The following DEFB119 variants were observed in gnomAD, a reference collection of about 807,000 sequenced individuals.
The protein encoded by DEFB119 is defensin beta 119.
DEFB119 carries 3 observed loss-of-function variants against 2.5 expected under a neutral mutation model. The ratio of observed to expected loss-of-function variants is 1.19; its 90% CI spans 0.54 to 3.07. The LOEUF is 3.07. DEFB119 is among the 30% of genes most tolerant of loss of function. The probability of loss-of-function intolerance (pLI) is 0.03; values close to 1 mark genes in which losing one functional copy is unlikely to be tolerated. For synonymous variants in DEFB119, 29 were observed against 33.7 expected (o/e 0.86, Z 0.48); for missense variants, 113 against 101.1 (o/e 1.12, Z -0.50).
At chr20:31,388,839 T>C in intron 1 of DEFB119, 1 of 1,075,022 alleles carries the variant, frequency 9.3e-7, no homozygotes, top group Non-Finnish European at 1.3e-6. Context: ...TTCAAGACTG[T>C]AATGATCACA....
intron 1 of DEFB119, chr20:31,388,908 C>T (rs947271954): frequency 5.6e-5 from 84 of 1,502,506 alleles, no homozygotes; most frequent in Middle Eastern, 4.7e-4. Context: ...CTCCCCCTGC[C>T]ATCCCCCCAC....
chr20:31,380,016 G>T (rs1362143470), intron 1 of DEFB119, among the ~76,000 whole-genome samples: 1 of 152,110 alleles, frequency 6.6e-6, no homozygotes, highest in Non-Finnish European at 1.5e-5. Context: ...CAAGTTCTTT[G>T]TCAGATATAT....
intron 1 of DEFB119, among the ~76,000 whole-genome samples, chr20:31,386,254 G>A (rs778944394): frequency 2.0e-5 from 3 of 152,132 alleles, no homozygotes; most frequent in Admixed American, 2.0e-4. Context: ...TGGGGGCAGG[G>A]AGACCAGTGA....
intron 1 of DEFB119, chr20:31,378,257 T>G: frequency 1.9e-6 from 3 of 1,583,294 alleles, no homozygotes; most frequent in Non-Finnish European, 2.6e-6. Context: ...CACCACTCCC[T>G]GAGATGTGAC....
At chr20:31,379,236 T>C (rs1449188604) in intron 1 of DEFB119, among the ~76,000 whole-genome samples, 1 of 152,104 alleles carries the variant, frequency 6.6e-6, no homozygotes, top group East Asian at 1.9e-4. Flanking sequence ...TTTTTTTAAT[T>C]TGTCGGAAGG....
chr20:31,381,017 T>C (rs1217552614), intron 1 of DEFB119, among the ~76,000 whole-genome samples: 3 of 152,236 alleles, frequency 2.0e-5, no homozygotes, highest in African/African-American at 7.2e-5. Context: ...TGAGGAGAAT[T>C]AACATCTGTT....
At chr20:31,382,943 G>A (rs1016874637) in intron 1 of DEFB119, among the ~76,000 whole-genome samples, 4 of 152,140 alleles carry the variant, frequency 2.6e-5, no homozygotes, top group African/African-American at 4.8e-5. Flanking sequence ...AGTTTGTGAC[G>A]CCAATCAAAA....
intron 1 of DEFB119, among the ~76,000 whole-genome samples, chr20:31,380,502 G>C (rs1986468422): frequency 1.3e-5 from 2 of 152,096 alleles, no homozygotes; most frequent in African/African-American, 4.8e-5. Context: ...CTGGGCTCAA[G>C]TGATCCTCCC....
chr20:31,390,525 G>T lies in DEFB119; in HGVS notation c.-42C>A, dbSNP rs980357638. The T allele has an allele frequency of 6.3e-7, 1 of 1,595,220 alleles. No homozygotes were observed. On this transcript the variant is annotated 5_prime_UTR_variant, in exon 1 of 2. Transcript: ENST00000376321. Reference sequence around the variant, plus strand: ...AGGAGGAGGTGGCTGAGCTGCAGGGGAAGGAAATAGGGTTCCCTGCAGCAC... The same window carrying T: ...AGGAGGAGGTGGCTGAGCTGCAGGGTAAGGAAATAGGGTTCCCTGCAGCAC...
chr20:31,379,849 T>C (rs951604503), intron 1 of DEFB119, among the ~76,000 whole-genome samples: 3 of 152,096 alleles, frequency 2.0e-5, no homozygotes, highest in Non-Finnish European at 4.4e-5. Flanking sequence ...GTATTTTTAG[T>C]AGAGACGGGG....
intron 1 of DEFB119, among the ~76,000 whole-genome samples, chr20:31,390,039 T>C (rs1986869989): frequency 6.6e-6 from 1 of 151,836 alleles, no homozygotes; most frequent in Admixed American, 6.6e-5. Flanking sequence ...GCTCCTCACC[T>C]CCAGCTCATC....
intron 1 of DEFB119, among the ~76,000 whole-genome samples, chr20:31,387,771 C>T (rs1042640242): frequency 6.6e-6 from 1 of 152,160 alleles, no homozygotes; most frequent in Non-Finnish European, 1.5e-5. Flanking sequence ...CAGGCAATCC[C>T]AGGACCCAGC....
chr20:31,390,031 T>C (rs1270211591), intron 1 of DEFB119, among the ~76,000 whole-genome samples: 1 of 151,582 alleles, frequency 6.6e-6, no homozygotes, highest in Non-Finnish European at 1.5e-5. Flanking sequence ...GAAGCCCAGC[T>C]CCTCACCTCC....
Position 31,386,691 on chromosome 20 carries a change from G to GT in DEFB119, c.61+3731dup, listed in dbSNP as rs1213944912. ...GGGAAGGGAGAATAGGAAGAGGCTG[G>GT]TTAAACGGATACAAAATCACAGCTA... On this transcript the variant is annotated intron_variant, in intron 1 of 1. Transcript: ENST00000376321. Among the ~76,000 whole-genome samples, 3 of 152,196 alleles carry GT rather than the reference G, an allele frequency of 2.0e-5. No individual in the cohort carries two copies. The East Asian group carries it at 5.8e-4, about 29-fold the overall frequency.
At chr20:31,389,538 C>G (rs1986847239) in intron 1 of DEFB119, among the ~76,000 whole-genome samples, 1 of 152,120 alleles carries the variant, frequency 6.6e-6, no homozygotes, top group Non-Finnish European at 1.5e-5. Context: ...TAATGTCCCA[C>G]CTAGCAGAGC....
chr20:31,382,578 C>A (rs75997428), intron 1 of DEFB119, among the ~76,000 whole-genome samples: 1 of 152,216 alleles, frequency 6.6e-6, no homozygotes, highest in Admixed American at 6.5e-5. Context: ...TGCATCCTTG[C>A]TAACCCTGCC....
At chr20:31,381,948 A>G (rs1336338639) in intron 1 of DEFB119, among the ~76,000 whole-genome samples, 1 of 152,250 alleles carries the variant, frequency 6.6e-6, no homozygotes, top group Non-Finnish European at 1.5e-5. Context: ...ACCAAGGGTT[A>G]AGCATAGTGA....
chr20:31,383,309 C>T (rs770517109), intron 1 of DEFB119, among the ~76,000 whole-genome samples: 2 of 151,892 alleles, frequency 1.3e-5, no homozygotes, highest in Admixed American at 6.6e-5. Context: ...TTTGGGAGGC[C>T]GAGGTGGACG....
At chr20:31,381,336 G>A (rs1986498255) in intron 1 of DEFB119, among the ~76,000 whole-genome samples, 1 of 152,138 alleles carries the variant, frequency 6.6e-6, no homozygotes, top group Non-Finnish European at 1.5e-5. Context: ...TGTTTTGTTT[G>A]TAGATTTCTT....
Sources: allele counts gnomAD v4.1 joint callset (sites outside exome capture counted in the v4.1 genomes callset), GRCh38; gene constraint gnomAD v4.1.1; transcripts MANE v1.5; gene names NCBI Gene and HGNC (gene_info 2026-07-23, HGNC 2026-07-21).